TMEM135: variants seen among roughly 807,000 people sequenced by gnomAD.
TMEM135 encodes transmembrane protein 135, also known as peroxisomal membrane protein 52.
TMEM135 carries 30 observed loss-of-function variants against 60.3 expected under a neutral mutation model. The ratio of observed to expected loss-of-function variants is 0.50; its 90% CI spans 0.37 to 0.68. TMEM135 has a LOEUF of 0.68. TMEM135 is among the 30% of genes least tolerant of loss of function. TMEM135 has a pLI of 0.00. For missense variants in TMEM135, 468 were observed against 548.8 expected, an observed-to-expected ratio of 0.85 and a Z score of 1.47; for synonymous variants, 190 against 186.7, an observed-to-expected ratio of 1.02 and a Z score of -0.14.
Position 87,309,533 on chromosome 11 carries a change from A to G in TMEM135, c.797A>G (p.Tyr266Cys). 3 of 1,613,790 alleles carry G rather than the reference A, an allele frequency of 1.9e-6. No individual in the cohort carries two copies. The highest frequency in any genetic ancestry group is 2.5e-6 in the Non-Finnish European group (3 of 1,179,758). Residue 266 changes from tyrosine to cysteine, a missense_variant, in exon 10 of 15, where the codon TAC (tyrosine) becomes TGC (cysteine). Coordinates refer to ENST00000305494, the MANE Select transcript of TMEM135 (RefSeq NM_022918.4). Reference protein sequence around the residue: ...KGFIRMFSVGYLIQCCLRIPS... With the variant: ...KGFIRMFSVGCLIQCCLRIPS... ...TTCATCAGAATGTTTAGCGTGGGGTACTTGATCCAGTGCTGCCTCCGAATC... is the reference window on the plus strand; with the variant it reads ...TTCATCAGAATGTTTAGCGTGGGGTGCTTGATCCAGTGCTGCCTCCGAATC...
At chr11:87,167,812 T>G (rs1423685076) in intron 5 of TMEM135, among the ~76,000 whole-genome samples, 1 of 152,216 alleles carries the variant, frequency 6.6e-6, no homozygotes, top group East Asian at 1.9e-4. Context: ...ATCAGGATGA[T>G]GCTGGCCTCA....
intron 6 of TMEM135, among the ~76,000 whole-genome samples, chr11:87,291,086 G>C (rs938658020): frequency 5.3e-5 from 8 of 152,130 alleles, no homozygotes; most frequent in Admixed American, 6.6e-5. Context: ...TTTCCTGTAT[G>C]ATTGTATCTA....
At chr11:87,046,863 G>A (rs924887845) in intron 1 of TMEM135, among the ~76,000 whole-genome samples, 1 of 152,192 alleles carries the variant, frequency 6.6e-6, no homozygotes, top group Non-Finnish European at 1.5e-5. Context: ...GAGAGGTATT[G>A]TAAGAGATGG....
chr11:87,137,253 C>T (rs1938127737), intron 4 of TMEM135, among the ~76,000 whole-genome samples: 1 of 138,238 alleles, frequency 7.2e-6, no homozygotes, highest in African/African-American at 2.7e-5. Flanking sequence ...CTCTGGCACT[C>T]TATGCCTATA....
At chr11:87,112,987 G>A (rs943369274) in intron 4 of TMEM135, among the ~76,000 whole-genome samples, 5 of 152,118 alleles carry the variant, frequency 3.3e-5, no homozygotes, top group South Asian at 4.1e-4. Flanking sequence ...GCACTTTGGC[G>A]TGCAGAAAAT....
At chr11:87,316,292 G>C (rs910323615) in intron 12 of TMEM135, among the ~76,000 whole-genome samples, 18 of 151,782 alleles carry the variant, frequency 1.2e-4, no homozygotes, top group Non-Finnish European at 2.1e-4. Flanking sequence ...GTGTGAGAGA[G>C]AGAGAGAGAG....
chr11:87,078,113 G>A (rs1340107393), intron 3 of TMEM135, among the ~76,000 whole-genome samples: 2 of 152,192 alleles, frequency 1.3e-5, no homozygotes. Flanking sequence ...TGGAATTGCT[G>A]CCTTAATATG....
At chr11:87,062,317 A>G (rs1211352267) in intron 1 of TMEM135, among the ~76,000 whole-genome samples, 1 of 126,026 alleles carries the variant, frequency 7.9e-6, no homozygotes, top group African/African-American at 3.0e-5. Context: ...TTTTCTGGGC[A>G]CTTTATTGTT....
intron 6 of TMEM135, among the ~76,000 whole-genome samples, chr11:87,246,229 T>C (rs996823822): frequency 6.7e-5 from 10 of 148,198 alleles, no homozygotes; most frequent in African/African-American, 2.5e-4. Context: ...CCGCTGTTAG[T>C]CCAATGGGCT....
At chr11:87,136,564 G>C (rs1015694318) in intron 4 of TMEM135, among the ~76,000 whole-genome samples, 1 of 151,954 alleles carries the variant, frequency 6.6e-6, no homozygotes, top group Non-Finnish European at 1.5e-5. Context: ...TGAGTTTTGA[G>C]AAATGGGATT....
chr11:87,182,106 A>G (rs1382889679), intron 5 of TMEM135, among the ~76,000 whole-genome samples: 1 of 151,992 alleles, frequency 6.6e-6, no homozygotes, highest in African/African-American at 2.4e-5. Flanking sequence ...AATATCTACT[A>G]GTATTAAAAT....
At chr11:87,174,990 G>T (rs896988612) in intron 5 of TMEM135, among the ~76,000 whole-genome samples, 1 of 151,990 alleles carries the variant, frequency 6.6e-6, no homozygotes, top group African/African-American at 2.4e-5. Context: ...TCACTTTCAG[G>T]GTGATAAAGC....
At chr11:87,119,864 T>G in intron 4 of TMEM135, among the ~76,000 whole-genome samples, 1 of 151,468 alleles carries the variant, frequency 6.6e-6, no homozygotes. Context: ...CATGCAGCGT[T>G]GCTGCAAACC....
At chr11:87,182,297 CT>C (rs1240939410) in intron 5 of TMEM135, among the ~76,000 whole-genome samples, 12 of 152,032 alleles carry the variant, frequency 7.9e-5, no homozygotes, top group African/African-American at 2.9e-4. Flanking sequence ...CAAAAGCTCT[CT>C]TTTGATTGTG....
intron 3 of TMEM135, among the ~76,000 whole-genome samples, chr11:87,085,947 A>T (rs906698081): frequency 6.6e-6 from 1 of 152,150 alleles, no homozygotes. Flanking sequence ...TAGAGTAAGG[A>T]TAATGGTATC....
rs116558213 is a variant in TMEM135 at position 87,215,738 on chromosome 11, T to A, written c.463-20900T>A. ...AGTCAAATGGCAAGGGAAGTATGCA[T>A]ACAGGGATGGGAGAAATTGTTGTGG... On this transcript the variant is annotated intron_variant, in intron 5 of 14. Transcript: ENST00000305494. 7.3e-3 allele frequency among the ~76,000 whole-genome samples: 1,116 copies of A among 152,328 alleles called. 11 individuals carry two copies. The highest frequency in any genetic ancestry group is 0.025 in the African/African-American group (1,049 of 41,576).
In TMEM135 at chr11:87,246,113, G is replaced by A. The variant is rs10160647; in HGVS notation, c.509+9429G>A. On this transcript the variant is annotated intron_variant, in intron 6 of 14. Coordinates refer to ENST00000305494, the MANE Select transcript of TMEM135 (RefSeq NM_022918.4). ...TTTTATTTCTCCTTCACTTATGAAG[G>A]TTAGTTTGGCTGGATATGAAATTCT... is the stretch of plus-strand genomic sequence containing the variant. Among the ~76,000 whole-genome samples the A allele has an allele frequency of 1.2e-4, 14 of 115,098 alleles. 1 individual carries two copies. Among genetic ancestry groups the A allele is most frequent in the African/African-American group, 4.8e-4 (14 of 29,250 alleles). The allele number at this position is 115,098 out of a possible 152,430, so 75.5% of individuals were successfully genotyped here. A position where few individuals can be genotyped will look rare whatever the true frequency, so the allele number is the denominator to read the frequency against.
chr11:87,119,885 TA>T (rs1230664977), intron 4 of TMEM135, among the ~76,000 whole-genome samples: 12 of 149,096 alleles, frequency 8.0e-5, no homozygotes, highest in South Asian at 2.1e-4. Flanking sequence ...TTTACTTTTT[TA>T]AAAAAAAAAA....
intron 6 of TMEM135, among the ~76,000 whole-genome samples, chr11:87,273,591 A>G (rs1166960809): frequency 2.6e-5 from 4 of 152,210 alleles, no homozygotes; most frequent in Non-Finnish European, 4.4e-5. Flanking sequence ...GAACTAATAA[A>G]TTCAGAAAAG....
Sources: allele counts gnomAD v4.1 joint callset (sites outside exome capture counted in the v4.1 genomes callset), GRCh38; gene constraint gnomAD v4.1.1; transcripts MANE v1.5; gene names NCBI Gene and HGNC (gene_info 2026-07-23, HGNC 2026-07-21).